Variants in ELAPOR2 observed in about 807,000 individuals in gnomAD.
ELAPOR2 encodes the protein endosome-lysosome associated apoptosis and autophagy regulator family member 2, also known as endosome/lysosome-associated apoptosis and autophagy regulator family member 2.
A neutral mutation model predicts 120.7 loss-of-function variants in ELAPOR2; 89 were observed. That is an observed-to-expected ratio of 0.74 (90% CI 0.62 to 0.88). The LOEUF (loss-of-function observed/expected upper bound fraction) is 0.88, where lower values mean the gene tolerates loss of function less well. Among genes scored for constraint, ELAPOR2 ranks in the 40% least tolerant of loss-of-function variants. ELAPOR2 has a pLI of 0.00. For missense variants in ELAPOR2, 1,134 were observed against 1,251.6 expected (o/e 0.91, Z 1.42); for synonymous variants, 444 against 444.9 (o/e 1.00, Z 0.03).
intron 1 of ELAPOR2, among the ~76,000 whole-genome samples, chr7:86,993,104 C>T (rs1045241211): frequency 1.3e-5 from 2 of 151,654 alleles, no homozygotes; most frequent in South Asian, 2.1e-4. Flanking sequence ...GGCGTGGTGG[C>T]GCGCACCTGC....
chr7:87,006,179 G>A (rs891283815), intron 1 of ELAPOR2, among the ~76,000 whole-genome samples: 1 of 152,048 alleles, frequency 6.6e-6, no homozygotes, highest in Admixed American at 6.6e-5. Flanking sequence ...TTTAGAATCA[G>A]CACAGGACTT....
intron 12 of ELAPOR2, among the ~76,000 whole-genome samples, chr7:86,916,520 A>C (rs981856940): frequency 1.3e-5 from 2 of 152,212 alleles, no homozygotes; most frequent in African/African-American, 4.8e-5. Context: ...AGAAAGAGCC[A>C]TAAAGACGCC....
chr7:86,963,450 A>C (rs935232570), intron 2 of ELAPOR2, among the ~76,000 whole-genome samples: 3 of 152,174 alleles, frequency 2.0e-5, no homozygotes, highest in African/African-American at 7.2e-5. Context: ...AGTGTTTGCC[A>C]GTTTTCATGG....
At chr7:86,916,256 G>GCA (rs1789563249) in intron 12 of ELAPOR2, among the ~76,000 whole-genome samples, 1 of 152,190 alleles carries the variant, frequency 6.6e-6, no homozygotes. Flanking sequence ...GGTTTTAGAA[G>GCA]CACACTGGAG....
intron 18 of ELAPOR2, among the ~76,000 whole-genome samples, chr7:86,907,061 C>T (rs11974622): frequency 0.22 from 33,194 of 151,988 alleles, 5,963 homozygotes; most frequent in African/African-American, 0.5. Flanking sequence ...CCATCCAAAG[C>T]GAACTGCATT....
intron 1 of ELAPOR2, among the ~76,000 whole-genome samples, chr7:87,012,139 T>C (rs191913436): frequency 5.1e-4 from 78 of 152,228 alleles, no homozygotes; most frequent in East Asian, 3.7e-3. Flanking sequence ...TGGCCGGGCG[T>C]GGTGGCTCAC....
intron 8 of ELAPOR2, among the ~76,000 whole-genome samples, chr7:86,931,960 G>A (rs1790348413): frequency 2.6e-5 from 4 of 151,864 alleles, no homozygotes; most frequent in Admixed American, 2.6e-4. Flanking sequence ...ACTGATCTGT[G>A]TGATGCTGAA....
intron 1 of ELAPOR2, among the ~76,000 whole-genome samples, chr7:87,053,608 T>C (rs944085315): frequency 6.6e-6 from 1 of 152,114 alleles, no homozygotes; most frequent in Admixed American, 6.5e-5. Context: ...CATTCATCTA[T>C]ATGGGGTGGG....
chr7:87,015,046 C>T (rs1793824291), intron 1 of ELAPOR2, among the ~76,000 whole-genome samples: 1 of 151,914 alleles, frequency 6.6e-6, no homozygotes, highest in South Asian at 2.1e-4. Flanking sequence ...AAAGCAACTG[C>T]TATGACTATA....
intron 18 of ELAPOR2, among the ~76,000 whole-genome samples, chr7:86,905,619 T>G (rs548116449): frequency 6.0e-4 from 92 of 152,188 alleles, no homozygotes; most frequent in African/African-American, 2.2e-3. Context: ...TTGGAATACA[T>G]TTTGAGAATC....
chr7:87,027,460 G>A (rs1451781299), intron 1 of ELAPOR2, among the ~76,000 whole-genome samples: 1 of 152,130 alleles, frequency 6.6e-6, no homozygotes, highest in Admixed American at 6.5e-5. Context: ...GGAAAGTAAA[G>A]TGTTATGGGT....
chr7:86,891,956 T>TA, intron 20 of ELAPOR2, 67 bp from the exon 21 acceptor site: 2 of 1,068,630 alleles, frequency 1.9e-6, no homozygotes, highest in Non-Finnish European at 2.6e-6. Context: ...AATACTTATT[T>TA]TAGGTGGTAA....
In ELAPOR2 at chr7:86,913,143, T is replaced by C. The variant is rs1407644733; in HGVS notation, c.1793A>G (p.Asp598Gly). The stretch of plus-strand genomic sequence containing the variant: ...GGCACGGCATGAGGACGCCACCCCA[T>C]CAACTGCATTAGTGGCTGTGATAGA... ...IYSITATNAV[D>G]GVASSCRACA... Residue 598 changes from aspartate to glycine, a missense_variant, in exon 14 of 22, where the codon GAT becomes GGT. Transcript: ENST00000450689. 6.2e-7 allele frequency: 1 copy of C among 1,614,018 alleles called. No homozygotes were observed. The highest frequency in any genetic ancestry group is 1.1e-5 in the South Asian group (1 of 91,062).
chr7:87,009,844 G>A (rs1411432717), intron 1 of ELAPOR2, among the ~76,000 whole-genome samples: 1 of 152,160 alleles, frequency 6.6e-6, no homozygotes, highest in East Asian at 1.9e-4. Flanking sequence ...AGTACAACGA[G>A]GGTTATTTGT....
Position 86,939,198 on chromosome 7 carries a change from AC to A in ELAPOR2, c.848-239del, listed in dbSNP as rs569402385. Among the ~76,000 whole-genome samples the A allele has an allele frequency of 2.5e-3, 375 of 152,244 alleles. 2 individuals are homozygous for A. Among genetic ancestry groups the A allele is most frequent in the African/African-American group, 8.4e-3 (351 of 41,550 alleles). ...TCATAGAGGTATAATACTTGTATTA[AC>A]TGAGCAGTCAAAAGACAACTCCACT... On this transcript the variant is annotated intron_variant, in intron 6 of 21. Coordinates refer to ENST00000450689, the MANE Select transcript of ELAPOR2 (RefSeq NM_001142749.3).
At chr7:86,923,564 T>G (rs1789923406) in intron 10 of ELAPOR2, among the ~76,000 whole-genome samples, 1 of 152,058 alleles carries the variant, frequency 6.6e-6, no homozygotes, top group African/African-American at 2.4e-5. Context: ...ACTCTAAAAT[T>G]AATATTTTTT....
intron 14 of ELAPOR2, 22 bp from the exon 15 acceptor site, chr7:86,912,267 C>A (rs1562916522): frequency 1.3e-6 from 2 of 1,523,354 alleles, no homozygotes; most frequent in South Asian, 1.2e-5. Context: ...GATAAAGAAA[C>A]AATATAGCAG....
intron 8 of ELAPOR2, among the ~76,000 whole-genome samples, chr7:86,932,581 C>T (rs982446374): frequency 1.3e-5 from 2 of 151,830 alleles, no homozygotes; most frequent in Non-Finnish European, 2.9e-5. Flanking sequence ...TTACTAGCTC[C>T]CAAACAAAAA....
intron 1 of ELAPOR2, among the ~76,000 whole-genome samples, chr7:87,012,046 A>G (rs1262333232): frequency 6.6e-6 from 1 of 152,200 alleles, no homozygotes; most frequent in Non-Finnish European, 1.5e-5. Context: ...CTTTTATTGT[A>G]CTAAATAATC....
Sources: allele counts gnomAD v4.1 joint callset (sites outside exome capture counted in the v4.1 genomes callset), GRCh38; gene constraint gnomAD v4.1.1; transcripts MANE v1.5; gene names NCBI Gene and HGNC (gene_info 2026-07-23, HGNC 2026-07-21).